BMP5: variants seen among roughly 807,000 people sequenced by gnomAD.
BMP5 encodes the protein bone morphogenetic protein 5.
A neutral mutation model predicts 46.6 loss-of-function variants in BMP5; 23 were observed. The observed-to-expected ratio is 0.49, with a 90% CI of 0.35 to 0.70. The LOEUF is 0.70. BMP5 is among the 30% of genes least tolerant of loss of function. BMP5 has a pLI of 0.00. For synonymous variants in BMP5, 204 were observed against 191.9 expected (o/e 1.06, Z -0.52); for missense variants, 545 against 565.6 (o/e 0.96, Z 0.37).
chr6:55,856,956 C>A (rs962376982), intron 1 of BMP5, among the ~76,000 whole-genome samples: 1 of 152,138 alleles, frequency 6.6e-6, no homozygotes, highest in Non-Finnish European at 1.5e-5. Flanking sequence ...CATTTCTAAT[C>A]ATCTTTACCT....
chr6:55,774,654 G>T lies in BMP5; in HGVS notation c.833-411C>A, dbSNP rs114462129. Among the ~76,000 whole-genome samples the T allele has an allele frequency of 6.6e-3, 1,001 of 152,058 alleles. 6 individuals carry two copies. The highest frequency in any genetic ancestry group is 0.023 in the African/African-American group (949 of 41,516). On this transcript the variant is annotated intron_variant, in intron 3 of 6. Transcript: ENST00000370830. ...TTAAGTTATAAAAGCCGAATACTTGGCAGGGTGTTTCTACTTTCTCCAGCC... is the reference window on the plus strand; with the variant it reads ...TTAAGTTATAAAAGCCGAATACTTGTCAGGGTGTTTCTACTTTCTCCAGCC...
At chr6:55,822,489 G>C (rs1173048179) in intron 1 of BMP5, among the ~76,000 whole-genome samples, 2 of 152,056 alleles carry the variant, frequency 1.3e-5, no homozygotes, top group Non-Finnish European at 2.9e-5. Flanking sequence ...CCAGCCATTT[G>C]AAAATATATT....
chr6:55,778,287 G>A (rs6928274), intron 3 of BMP5, among the ~76,000 whole-genome samples: 1 of 151,974 alleles, frequency 6.6e-6, no homozygotes, highest in Non-Finnish European at 1.5e-5. Flanking sequence ...GCTGGAAGCT[G>A]TTCAAGCTTA....
At chr6:55,760,863 T>A (rs1774757891) in intron 4 of BMP5, among the ~76,000 whole-genome samples, 1 of 151,716 alleles carries the variant, frequency 6.6e-6, no homozygotes, top group Non-Finnish European at 1.5e-5. Flanking sequence ...ATTCATTAAT[T>A]CATTCATACT....
chr6:55,777,176 A>G (rs1386501204), intron 3 of BMP5, among the ~76,000 whole-genome samples: 2 of 151,966 alleles, frequency 1.3e-5, no homozygotes, highest in Non-Finnish European at 2.9e-5. Flanking sequence ...GAAACAATAC[A>G]CTTATATTGA....
chr6:55,770,627 GTTT>G (rs1172526292), intron 4 of BMP5, among the ~76,000 whole-genome samples: 10 of 151,900 alleles, frequency 6.6e-5, no homozygotes, highest in Non-Finnish European at 1.2e-4. Context: ...ACAACTGTTT[GTTT>G]GGCACAAGAG....
intron 1 of BMP5, among the ~76,000 whole-genome samples, chr6:55,869,286 A>T (rs1394890276): frequency 6.6e-6 from 1 of 152,180 alleles, no homozygotes; most frequent in African/African-American, 2.4e-5. Context: ...GGTATGAGGT[A>T]GACTGAGGAT....
chr6:55,841,738 T>C (rs550969683), intron 1 of BMP5, among the ~76,000 whole-genome samples: 1 of 152,290 alleles, frequency 6.6e-6, no homozygotes, highest in South Asian at 2.1e-4. Context: ...ATGTCCTCTT[T>C]TTATAAAGAC....
In BMP5 at chr6:55,875,141, A is replaced by G. The variant is rs1000796600; in HGVS notation, c.-276T>C. On this transcript the variant is annotated 5_prime_UTR_variant, in exon 1 of 7. Transcript: ENST00000370830. ...TTAAGAGTTTTTGCTGCATTGATGT[A>G]GCAGAAGACGGCTAATATTATTTGA... 2 of 351,530 alleles carry G rather than the reference A, an allele frequency of 5.7e-6. No individual in the cohort carries two copies. The highest frequency in any genetic ancestry group is 6.4e-5 in the East Asian group (1 of 15,740). The allele number at this position is 351,530 out of a possible 1,614,324, so 21.8% of individuals were successfully genotyped here.
At chr6:55,865,568 T>G (rs540065287) in intron 1 of BMP5, among the ~76,000 whole-genome samples, 1 of 152,152 alleles carries the variant, frequency 6.6e-6, no homozygotes, top group East Asian at 1.9e-4. Context: ...CTGTCCAGCT[T>G]GAAGAAAGAG....
chr6:55,860,802 C>T (rs778046638), intron 1 of BMP5, among the ~76,000 whole-genome samples: 11 of 152,096 alleles, frequency 7.2e-5, no homozygotes, highest in African/African-American at 1.2e-4. Context: ...TGAGGATAGC[C>T]GGGTCTGAAC....
intron 1 of BMP5, chr6:55,865,390 G>C: frequency 2.0e-6 from 1 of 502,274 alleles, no homozygotes; most frequent in South Asian, 1.5e-5. Flanking sequence ...CCATGGAATA[G>C]TTCTAGGACT....
chr6:55,852,300 G>A (rs988579193), intron 1 of BMP5, among the ~76,000 whole-genome samples: 11 of 151,804 alleles, frequency 7.2e-5, no homozygotes, highest in Admixed American at 3.3e-4. Flanking sequence ...TTTTTGTGAC[G>A]ATCCAAGAAA....
At chr6:55,836,631 T>TACATAC (rs1554184931) in intron 1 of BMP5, among the ~76,000 whole-genome samples, 1 of 139,518 alleles carries the variant, frequency 7.2e-6, no homozygotes, top group Admixed American at 7.1e-5. Context: ...CATACATACA[T>TACATAC]ACACACACAC....
intron 4 of BMP5, 94 bp downstream of exon 4, chr6:55,773,955 T>C: frequency 1.5e-6 from 2 of 1,334,968 alleles, no homozygotes; most frequent in South Asian, 1.2e-5. Context: ...CATCCGAAGG[T>C]ATACATAGAG....
intron 2 of BMP5, among the ~76,000 whole-genome samples, chr6:55,796,624 A>G (rs1483573190): frequency 3.3e-5 from 5 of 150,844 alleles, no homozygotes; most frequent in South Asian, 4.2e-4. Flanking sequence ...AGCATTAGGT[A>G]TATCTCCCAA....
At chr6:55,813,454 A>T (rs937595546) in intron 2 of BMP5, among the ~76,000 whole-genome samples, 6 of 152,016 alleles carry the variant, frequency 3.9e-5, no homozygotes, top group Non-Finnish European at 7.4e-5. Flanking sequence ...GTCAATTAAC[A>T]TTATTATTTG....
chr6:55,800,154 G>C (rs1032037774), intron 2 of BMP5, among the ~76,000 whole-genome samples: 1 of 152,012 alleles, frequency 6.6e-6, no homozygotes, highest in Non-Finnish European at 1.5e-5. Flanking sequence ...AAACAACATA[G>C]ATGGATCTGA....
intron 1 of BMP5, among the ~76,000 whole-genome samples, chr6:55,870,461 G>T (rs569843424): frequency 6.6e-6 from 1 of 150,716 alleles, no homozygotes; most frequent in East Asian, 1.9e-4. Context: ...AGTTACTCCA[G>T]GCATAATTTA....
Sources: gnomAD v4.1 joint callset for allele counts (sites outside exome capture counted in the v4.1 genomes callset) on GRCh38, gnomAD v4.1.1 for gene constraint, MANE v1.5 for transcripts, NCBI Gene and HGNC (gene_info 2026-07-23, HGNC 2026-07-21) for gene names.